PDE4D: variants seen among roughly 807,000 people sequenced by gnomAD.
The protein encoded by PDE4D is 3',5'-cyclic-AMP phosphodiesterase 4D.
A neutral mutation model predicts 87.4 loss-of-function variants in PDE4D; 24 were observed. That is an observed-to-expected ratio of 0.27 (90% CI 0.20 to 0.39). PDE4D has a LOEUF of 0.39. PDE4D is among the 10% of genes least tolerant of loss of function. The pLI is 1.00. For missense variants in PDE4D, 714 were observed against 1,041.0 expected (o/e 0.69, Z 4.32); for synonymous variants, 384 against 383.2 (o/e 1.00, Z -0.02).
At chr5:59,290,999 A>G (rs893099372) in intron 1 of PDE4D, among the ~76,000 whole-genome samples, 3 of 152,116 alleles carry the variant, frequency 2.0e-5, no homozygotes, top group African/African-American at 7.2e-5. Flanking sequence ...AAATTAGTAC[A>G]ACCACTATGG....
At chr5:59,520,824 AAG>A (rs983294841) in intron 1 of PDE4D, among the ~76,000 whole-genome samples, 2 of 152,192 alleles carry the variant, frequency 1.3e-5, no homozygotes, top group South Asian at 2.1e-4. Flanking sequence ...AGAGATAAAA[AAG>A]AGCTGTTCAT....
intron 5 of PDE4D, among the ~76,000 whole-genome samples, chr5:59,093,613 C>T (rs925510359): frequency 6.6e-6 from 1 of 151,978 alleles, no homozygotes; most frequent in African/African-American, 2.4e-5. Context: ...TATGATGCAA[C>T]AGTGCAACCC....
intron 1 of PDE4D, among the ~76,000 whole-genome samples, chr5:60,330,896 A>C (rs1191845941): frequency 6.6e-6 from 1 of 152,222 alleles, no homozygotes; most frequent in African/African-American, 2.4e-5. Flanking sequence ...CATCCAGTAC[A>C]GATGGATCAG....
At chr5:59,615,434 A>G (rs1829540603) in intron 1 of PDE4D, among the ~76,000 whole-genome samples, 2 of 114,722 alleles carry the variant, frequency 1.7e-5, no homozygotes, top group South Asian at 7.4e-4. Context: ...GTGTAAATGA[A>G]TCATAGGCAC....
intron 1 of PDE4D, among the ~76,000 whole-genome samples, chr5:59,447,206 C>G (rs1036167641): frequency 6.6e-6 from 1 of 152,190 alleles, no homozygotes; most frequent in African/African-American, 2.4e-5. Flanking sequence ...ATGGCTACAA[C>G]TGAATCTATC....
chr5:59,935,409 A>G lies in PDE4D; in HGVS notation c.272+53079T>C, dbSNP rs570683588. Among the ~76,000 whole-genome samples, 71 of 152,334 alleles carry G rather than the reference A, an allele frequency of 4.7e-4. No homozygotes were observed. In the Middle Eastern group the frequency reaches 0.01, roughly 22 times the overall value. On this transcript the variant is annotated intron_variant, in intron 3 of 16. Coordinates refer to the PDE4D transcript ENST00000502484. ...TGGAAGATAAAAACTGAAAAAAGTC[A>G]GAGGAGTACTACTTCCTCATTTGAT...
At chr5:59,637,486 T>C (rs1350573033) in intron 1 of PDE4D, among the ~76,000 whole-genome samples, 1 of 151,838 alleles carries the variant, frequency 6.6e-6, no homozygotes, top group African/African-American at 2.4e-5. Context: ...AGCAAAGACT[T>C]GGAACCAACA....
chr5:60,441,626 A>T (rs1308464317), intron 1 of PDE4D, among the ~76,000 whole-genome samples: 1 of 152,254 alleles, frequency 6.6e-6, no homozygotes, highest in African/African-American at 2.4e-5. Flanking sequence ...ACAGCAAAAG[A>T]AACTATCATC....
chr5:59,655,901 T>C (rs998916338), intron 1 of PDE4D, among the ~76,000 whole-genome samples: 2 of 152,200 alleles, frequency 1.3e-5, no homozygotes, highest in African/African-American at 4.8e-5. Flanking sequence ...AAAGTTCAAG[T>C]CTAGATCACT....
At chr5:59,094,870 G>C (rs1769405879) in intron 5 of PDE4D, among the ~76,000 whole-genome samples, 1 of 152,022 alleles carries the variant, frequency 6.6e-6, no homozygotes, top group Non-Finnish European at 1.5e-5. Flanking sequence ...AGACAGGCAA[G>C]AATTAGGGGT....
intron 2 of PDE4D, among the ~76,000 whole-genome samples, chr5:60,164,727 A>G (rs1162796760): frequency 1.3e-5 from 2 of 152,180 alleles, no homozygotes; most frequent in Non-Finnish European, 2.9e-5. Flanking sequence ...TTCCTAAATC[A>G]TTGCAGGAGG....
chr5:59,850,173 T>C (rs991567598), intron 1 of PDE4D, among the ~76,000 whole-genome samples: 2 of 151,922 alleles, frequency 1.3e-5, no homozygotes, highest in African/African-American at 4.8e-5. Context: ...TACTGACACA[T>C]GCACACACAC....
At chr5:60,370,385 G>A (rs545465904) in intron 1 of PDE4D, among the ~76,000 whole-genome samples, 4 of 152,154 alleles carry the variant, frequency 2.6e-5, no homozygotes, top group East Asian at 3.9e-4. Flanking sequence ...ACATATCATC[G>A]ACTACATTCA....
intron 1 of PDE4D, among the ~76,000 whole-genome samples, chr5:59,305,718 C>T (rs1428082231): frequency 6.6e-6 from 1 of 152,046 alleles, no homozygotes; most frequent in Non-Finnish European, 1.5e-5. Flanking sequence ...TTTGAAGATT[C>T]CATTTGGAGT....
chr5:60,202,495 C>G (rs1742033124), intron 1 of PDE4D, among the ~76,000 whole-genome samples: 1 of 151,990 alleles, frequency 6.6e-6, no homozygotes, highest in Non-Finnish European at 1.5e-5. Context: ...AAAACAAAAA[C>G]TTCTATATAT....
chr5:59,992,162 T>C lies in PDE4D; in HGVS notation c.43-3445A>G, dbSNP rs189195393. On this transcript the variant is annotated intron_variant, in intron 2 of 16. Transcript: ENST00000502484. Reference sequence around the variant, plus strand: ...TGGACTCTTGGACCTACACAAGTGGTTTTCCAGGGACTCTTGGGCCTTGAG... The same window carrying C: ...TGGACTCTTGGACCTACACAAGTGGCTTTCCAGGGACTCTTGGGCCTTGAG... Among the ~76,000 whole-genome samples, 46 of 152,260 alleles carry C rather than the reference T, an allele frequency of 3.0e-4. 1 individual carries two copies. Among genetic ancestry groups the C allele is most frequent in the Admixed American group, 2.6e-3 (39 of 15,290 alleles).
At chr5:59,360,488 A>G (rs1782038657) in intron 1 of PDE4D, among the ~76,000 whole-genome samples, 1 of 152,198 alleles carries the variant, frequency 6.6e-6, no homozygotes, top group Admixed American at 6.5e-5. Context: ...TTGTAATTCT[A>G]TCTTCAGAAT....
In PDE4D at chr5:59,550,363, A is replaced by G. The variant is rs182705053; in HGVS notation, c.456-334395T>C. Among the ~76,000 whole-genome samples the G allele has an allele frequency of 3.3e-4, 50 of 152,186 alleles. 1 individual carries two copies. Among genetic ancestry groups the G allele is most frequent in the Admixed American group, 3.1e-3 (48 of 15,282 alleles). ...TTGATGTAACTAAATCTTTTCACAT[A>G]TTCTTAATTTTTTTCTTAGGATAAA... On this transcript the variant is annotated intron_variant, in intron 1 of 14. Coordinates refer to ENST00000340635, the MANE Select transcript of PDE4D (RefSeq NM_001104631.2).
In PDE4D at chr5:59,983,629, G is replaced by T. The variant is rs189150017; in HGVS notation, c.272+4859C>A. Among the ~76,000 whole-genome samples the T allele has an allele frequency of 2.6e-3, 389 of 152,166 alleles. 13 individuals carry two copies. Among genetic ancestry groups the T allele is most frequent in the Non-Finnish European group, 6.5e-4 (44 of 68,000 alleles). Reference sequence around the variant, plus strand: ...GTAAGCAATATTCCTACTCATCGGGGAAATGTAAATTAAAACCACAGTAGT... The same window carrying T: ...GTAAGCAATATTCCTACTCATCGGGTAAATGTAAATTAAAACCACAGTAGT... On this transcript the variant is annotated intron_variant, in intron 3 of 16. Coordinates refer to the PDE4D transcript ENST00000502484.
Sources: gnomAD v4.1 joint callset for allele counts (sites outside exome capture counted in the v4.1 genomes callset) on GRCh38, gnomAD v4.1.1 for gene constraint, MANE v1.5 for transcripts, NCBI Gene and HGNC (gene_info 2026-07-23, HGNC 2026-07-21) for gene names.